Variants in ITGAV observed in about 807,000 individuals in gnomAD.
ITGAV encodes the protein integrin alpha-V.
Under a neutral mutation model 143.8 loss-of-function variants are expected in ITGAV, and 76 were observed. The ratio of observed to expected loss-of-function variants is 0.53; its 90% CI spans 0.44 to 0.64. The LOEUF is 0.64. ITGAV is among the 30% of genes least tolerant of loss of function. The pLI, the probability that ITGAV is intolerant of heterozygous loss-of-function variation, is 0.00. For missense variants in ITGAV, 1,193 were observed against 1,274.7 expected (o/e 0.94, Z 0.98); for synonymous variants, 453 against 446.7 (o/e 1.01, Z -0.18).
chr2:186,664,621 G>A lies in ITGAV; in HGVS notation c.2053G>A (p.Gly685Arg), dbSNP rs200130364. ...CATTCCACTGCAGGCTGATTTCATC[G>A]GGGTTGTCCGAAACAATGAAGTAAG... The part of the protein sequence containing the change: ...VSIPLQADFI[G>R]VVRNNEALAR... Residue 685 changes from glycine to arginine, a missense_variant, in exon 20 of 30, where the codon GGG becomes AGG. By Grantham distance (125) the Gly-to-Arg change is moderately radical (BLOSUM62 -2). Coordinates refer to ENST00000261023, the MANE Select transcript of ITGAV (RefSeq NM_002210.5). The A allele has an allele frequency of 1.1e-4, 181 of 1,613,982 alleles. 1 individual carries two copies. In the South Asian group the frequency reaches 1.2e-3, roughly 10 times the overall value.
chr2:186,654,332 CAAA>C (rs199965377), intron 15 of ITGAV, among the ~76,000 whole-genome samples: 7 of 84,816 alleles, frequency 8.3e-5, no homozygotes, highest in Admixed American at 2.7e-4. Flanking sequence ...GACTCTGTCT[CAAA>C]AAAAAAAAAA....
chr2:186,665,099 T>G, intron 20 of ITGAV, 27 bp from the exon 21 acceptor site: 2 of 624,706 alleles, frequency 3.2e-6, no homozygotes, highest in East Asian at 1.4e-4. Context: ...CATATCCATT[T>G]TTTTTTTTTT....
intron 16 of ITGAV, among the ~76,000 whole-genome samples, chr2:186,655,106 TAGTG>T (rs1397125599): frequency 6.6e-6 from 1 of 152,106 alleles, no homozygotes; most frequent in Non-Finnish European, 1.5e-5. Flanking sequence ...GGTTTAGAAA[TAGTG>T]AGAAGGAGGA....
chr2:186,625,794 A>G (rs1687663121), intron 4 of ITGAV, among the ~76,000 whole-genome samples: 1 of 151,936 alleles, frequency 6.6e-6, no homozygotes, highest in Non-Finnish European at 1.5e-5. Context: ...TTTTCTAAGA[A>G]CTCATTTTCA....
chr2:186,659,064 C>A lies in ITGAV; in HGVS notation c.1746C>A (p.Leu582=). ...ATGAATCTGAATTTAGAGACAAACT[C>A]ACTCCAATTACTATTTTTATGGAAT... ...LRDESEFRDK[L]TPITIFMEYR... The change falls in exon 18 of 30, where the codon CTC becomes CTA. Residue 582 remains leucine, a synonymous_variant. Transcript: ENST00000261023. The A allele has an allele frequency of 6.2e-7, 1 of 1,609,576 alleles. No individual in the cohort carries two copies. The highest frequency in any genetic ancestry group is 1.7e-5 in the Admixed American group (1 of 59,682).
chr2:186,636,888 C>T lies in ITGAV; in HGVS notation c.758-177C>T, dbSNP rs190180937. On this transcript the variant is annotated intron_variant, in intron 7 of 29. Transcript: ENST00000261023. ...AAAAATAGACTATTTGAGTATTTAACTCAGTTTCATTTAAAATTCATATGT... is the reference window on the plus strand; with the variant it reads ...AAAAATAGACTATTTGAGTATTTAATTCAGTTTCATTTAAAATTCATATGT... Among the ~76,000 whole-genome samples, 98 of 152,230 alleles carry T rather than the reference C, an allele frequency of 6.4e-4. 2 individuals are homozygous for T. Among genetic ancestry groups the T allele is most frequent in the Admixed American group, 5.9e-3 (90 of 15,298 alleles).
intron 5 of ITGAV, 100 bp downstream of exon 5, chr2:186,630,958 T>C: frequency 1.7e-6 from 1 of 582,662 alleles, no homozygotes; most frequent in Non-Finnish European, 3.1e-6. Flanking sequence ...TTTACAGCTG[T>C]TAGCTCTTTA....
intron 3 of ITGAV, among the ~76,000 whole-genome samples, chr2:186,624,922 A>G (rs952813386): frequency 1.4e-5 from 2 of 146,188 alleles, no homozygotes; most frequent in African/African-American, 5.1e-5. Context: ...GAAATATACT[A>G]CCTGAAATAA....
intron 14 of ITGAV, among the ~76,000 whole-genome samples, chr2:186,650,656 G>T (rs748121669): frequency 6.7e-6 from 1 of 149,516 alleles, no homozygotes; most frequent in Non-Finnish European, 1.5e-5. Context: ...AGTGATTCTC[G>T]TGCCTCAGCC....
chr2:186,603,862 CT>C (rs869096962), intron 2 of ITGAV, among the ~76,000 whole-genome samples: 182 of 143,224 alleles, frequency 1.3e-3, no homozygotes, highest in East Asian at 2.0e-3. Flanking sequence ...GAAGCAATCA[CT>C]TTTTTTTTTT....
At chr2:186,630,196 A>G (rs1687778440) in intron 4 of ITGAV, among the ~76,000 whole-genome samples, 2 of 152,034 alleles carry the variant, frequency 1.3e-5, no homozygotes, top group South Asian at 4.1e-4. Flanking sequence ...TAATGTATGT[A>G]TCTGTTTGCT....
Position 186,678,924 on chromosome 2 carries a change from A to G in ITGAV, c.*1632A>G, listed in dbSNP as rs1254796000. ...AGTTGACTGAGCTAATCTTGAGAAT[A>G]TATTCGTAAAATAGGAGCACATTTA... On this transcript the variant is annotated 3_prime_UTR_variant, in exon 30 of 30. Transcript: ENST00000261023. 1 of 357,698 alleles carries G rather than the reference A, an allele frequency of 2.8e-6. No individual in the cohort carries two copies. 22.2% of individuals were successfully genotyped at this position (357,698 alleles called of 1,614,324 possible). A position where few individuals can be genotyped will look rare whatever the true frequency, so the allele number is the denominator to read the frequency against.
intron 2 of ITGAV, among the ~76,000 whole-genome samples, chr2:186,608,796 A>T (rs1024891295): frequency 6.6e-6 from 1 of 152,184 alleles, no homozygotes; most frequent in African/African-American, 2.4e-5. Flanking sequence ...TAATAGAAAT[A>T]GACTCTAGCT....
At chr2:186,598,428 C>G (rs1341656201) in intron 1 of ITGAV, among the ~76,000 whole-genome samples, 1 of 141,314 alleles carries the variant, frequency 7.1e-6, no homozygotes, top group African/African-American at 2.7e-5. Context: ...GACTCTCTTA[C>G]TCATAGCATT....
In ITGAV at chr2:186,654,655, A is replaced by G. The variant is rs376375128; in HGVS notation, c.1511A>G (p.Asn504Ser). The G allele has an allele frequency of 3.3e-6, 5 of 1,519,448 alleles. No homozygotes were observed. The African/African-American group carries it at 6.9e-5, about 21-fold the overall frequency. The allele number at this position is 1,519,448 out of a possible 1,614,324, so 94.1% of individuals were successfully genotyped here. ...PGTALKVSCF[N>S]VRFCLKADGK... is the part of the protein sequence containing the mutation. ...TGTTTTTTATTTTTCCACAGTTTTA[A>G]TGTTAGGTTCTGCTTAAAGGCAGAT... The change falls in exon 16 of 30, where the codon AAT becomes AGT. Residue 504 changes from asparagine to serine, a missense_variant. Coordinates refer to ENST00000261023, the MANE Select transcript of ITGAV (RefSeq NM_002210.5).
At chr2:186,638,488 T>C (rs1008788237) in intron 10 of ITGAV, 23 bp downstream of exon 10, 2 of 1,590,800 alleles carry the variant, frequency 1.3e-6, no homozygotes, top group Non-Finnish European at 1.7e-6. Flanking sequence ...AATATGATCG[T>C]CCTCTCCCAC....
At position 186,677,178 on chromosome 2, in the gene ITGAV, GT is replaced by G. The variant is rs766280796; in HGVS notation, c.3052-14del. On this transcript the variant is annotated intron_variant, in intron 29 of 29. Transcript: ENST00000261023. ...CTACACTGATGTGACAGTAATAATG[GT>G]TTTTCTTCAACTGACAGATGGGCTT... 35 of 1,607,072 alleles carry G rather than the reference GT, an allele frequency of 2.2e-5. No homozygotes were observed. Among genetic ancestry groups the G allele is most frequent in the Non-Finnish European group, 2.9e-5 (34 of 1,174,232 alleles).
intron 1 of ITGAV, 41 bp from the exon 2 acceptor site, chr2:186,601,980 T>G: frequency 8.2e-6 from 13 of 1,589,602 alleles, no homozygotes; most frequent in Non-Finnish European, 1.1e-5. Flanking sequence ...TGCTTACACT[T>G]TGTTTCATTT....
chr2:186,636,072 C>G lies in ITGAV; in HGVS notation c.632-10C>G. ...AAGGTTATTTATTTTATATATACAC[C>G]CTTTTTTAGGTCAGCTTATTTCGGA... On this transcript the variant is annotated splice_polypyrimidine_tract_variant and intron_variant, in intron 6 of 29. Transcript: ENST00000261023. 6.2e-7 allele frequency: 1 copy of G among 1,609,028 alleles called. No individual in the cohort carries two copies. The highest frequency in any genetic ancestry group is 8.5e-7 in the Non-Finnish European group (1 of 1,177,722).
Sources: gnomAD v4.1 joint callset for allele counts (sites outside exome capture counted in the v4.1 genomes callset) on GRCh38, gnomAD v4.1.1 for gene constraint, MANE v1.5 for transcripts, NCBI Gene and HGNC (gene_info 2026-07-23, HGNC 2026-07-21) for gene names.